Variants in TBPL2 observed in about 807,000 individuals in gnomAD.
TBPL2 encodes the protein TATA-box binding protein like 2.
TBPL2 carries 40 observed loss-of-function variants against 38.2 expected under a neutral mutation model. The observed-to-expected ratio is 1.05, with a 90% CI of 0.81 to 1.36. TBPL2 has a LOEUF of 1.36. TBPL2 is among the 40% of genes most tolerant of loss of function. The pLI is 0.00. For missense variants in TBPL2, 461 were observed against 456.7 expected, an observed-to-expected ratio of 1.01 and a Z score of -0.09; for synonymous variants, 169 against 171.7, an observed-to-expected ratio of 0.98 and a Z score of 0.12.
chr14:55,436,441 A>G, intron 2 of TBPL2, 120 bp downstream of exon 2: 1 of 948,716 alleles, frequency 1.1e-6, no homozygotes, highest in East Asian at 2.6e-5. Flanking sequence ...CTGATAAAAC[A>G]AAGAATTATG....
intron 6 of TBPL2, among the ~76,000 whole-genome samples, chr14:55,416,891 A>G (rs1040945615): frequency 2.0e-5 from 3 of 152,370 alleles, no homozygotes; most frequent in African/African-American, 4.8e-5. Flanking sequence ...TTGGACAGCC[A>G]TGAACTTCAC....
At chr14:55,433,702 A>G in exon 4 of TBPL2, 1 of 1,614,068 alleles carries the variant, frequency 6.2e-7, no homozygotes, top group African/African-American at 1.3e-5. Context: ...TCGGATCCTC[A>G]TTATGACAGC....
rs1885969252 is a variant in TBPL2, at chr14:55,433,626, A to G, written c.788+4T>C. On this transcript the variant is annotated splice_donor_region_variant and intron_variant, in intron 4 of 6. Coordinates refer to ENST00000247219, the Ensembl canonical transcript of TBPL2. The stretch of plus-strand genomic sequence containing the variant: ...GGTAGGGGTGGAGGGATGATTCCTC[A>G]TACCTTTTGGCTCCCGTGCAGACCA... 1.2e-6 allele frequency: 2 copies of G among 1,613,560 alleles called. No individual in the cohort carries two copies.
intron 6 of TBPL2, among the ~76,000 whole-genome samples, chr14:55,417,465 A>T (rs971219366): frequency 3.3e-5 from 5 of 150,322 alleles, no homozygotes; most frequent in Non-Finnish European, 7.4e-5. Flanking sequence ...AAAAAAAAAA[A>T]AAAAAAAAAA....
intron 5 of TBPL2, 111 bp downstream of exon 5, chr14:55,428,696 G>A (rs1344129184): frequency 3.5e-6 from 4 of 1,146,128 alleles, no homozygotes; most frequent in African/African-American, 1.6e-5. Context: ...TGTGTCCCCC[G>A]CCTTTTTTTT....
chr14:55,416,371 C>A (rs1298011468), intron 6 of TBPL2, among the ~76,000 whole-genome samples: 1 of 152,026 alleles, frequency 6.6e-6, no homozygotes, highest in Non-Finnish European at 1.5e-5. Flanking sequence ...GTGGGAGGAT[C>A]CCTTGAGCCC....
intron 5 of TBPL2, 118 bp from the exon 6 acceptor site, chr14:55,424,371 T>A (rs1318180839): frequency 7.9e-5 from 49 of 618,148 alleles, no homozygotes; most frequent in Non-Finnish European, 1.1e-4. Flanking sequence ...GTTAGCTATT[T>A]TATCAAAAAC....
chr14:55,426,885 T>C (rs1358997221), intron 5 of TBPL2, among the ~76,000 whole-genome samples: 6 of 152,192 alleles, frequency 3.9e-5, no homozygotes, highest in Admixed American at 2.6e-4. Flanking sequence ...TAGACTTAGA[T>C]CTGCTCTGCA....
chr14:55,431,090 G>A (rs754934878), intron 4 of TBPL2, among the ~76,000 whole-genome samples: 4 of 152,132 alleles, frequency 2.6e-5, no homozygotes, highest in Non-Finnish European at 5.9e-5. Flanking sequence ...TTGATCTTCT[G>A]CACTTTTCCT....
At chr14:55,425,225 C>A (rs1252004368) in intron 5 of TBPL2, among the ~76,000 whole-genome samples, 1 of 152,122 alleles carries the variant, frequency 6.6e-6, no homozygotes, top group Non-Finnish European at 1.5e-5. Context: ...TCTGGAACAT[C>A]ACTCTGTCTT....
chr14:55,428,437 C>T (rs1885867892), intron 5 of TBPL2, among the ~76,000 whole-genome samples: 1 of 152,056 alleles, frequency 6.6e-6, no homozygotes, highest in Admixed American at 6.6e-5. Context: ...CGTTTGTATG[C>T]TTACAAATCT....
intron 6 of TBPL2, among the ~76,000 whole-genome samples, chr14:55,423,231 G>T (rs771410368): frequency 6.6e-6 from 1 of 152,156 alleles, no homozygotes; most frequent in African/African-American, 2.4e-5. Context: ...GTTTTCTTTG[G>T]TACCATTTTG....
intron 6 of TBPL2, among the ~76,000 whole-genome samples, chr14:55,419,776 T>G (rs1885716043): frequency 6.6e-6 from 1 of 152,240 alleles, no homozygotes; most frequent in African/African-American, 2.4e-5. Context: ...ACATCTGTAC[T>G]ATGGGCATTG....
At position 55,435,787 on chromosome 14, in the gene TBPL2, A is replaced by T. The variant is rs532315912; in HGVS notation, c.696+60T>A. The T allele has an allele frequency of 8.0e-6, 10 of 1,246,108 alleles. No individual in the cohort carries two copies. The East Asian group carries it at 2.6e-4, about 32-fold the overall frequency. 77.2% of individuals were successfully genotyped at this position (1,246,108 alleles called of 1,614,324 possible). ...AGGAATTAGTCAATATCATGATCATATTAAGAAAAGTAAATCTAAAGAGAA... is the reference window on the plus strand; with the variant it reads ...AGGAATTAGTCAATATCATGATCATTTTAAGAAAAGTAAATCTAAAGAGAA... On this transcript the variant is annotated intron_variant, in intron 3 of 6. Transcript: ENST00000247219.
At chr14:55,418,935 A>G (rs1885706001) in intron 6 of TBPL2, among the ~76,000 whole-genome samples, 1 of 152,226 alleles carries the variant, frequency 6.6e-6, no homozygotes, top group African/African-American at 2.4e-5. Flanking sequence ...CATTTTGCAT[A>G]TATGGAAACC....
chr14:55,419,020 C>G (rs907019848), intron 6 of TBPL2, among the ~76,000 whole-genome samples: 1 of 152,230 alleles, frequency 6.6e-6, no homozygotes, highest in East Asian at 1.9e-4. Context: ...GGACAACTCT[C>G]CAGTCCATCC....
chr14:55,439,762 C>A (rs1886079267), intron 1 of TBPL2, among the ~76,000 whole-genome samples: 1 of 151,720 alleles, frequency 6.6e-6, no homozygotes, highest in Admixed American at 6.6e-5. Context: ...AACACTGTCT[C>A]TACTAAAAAT....
chr14:55,437,978 C>T (rs713473), intron 1 of TBPL2, among the ~76,000 whole-genome samples: 10,318 of 152,200 alleles, frequency 0.068, 389 homozygotes, highest in Non-Finnish European at 0.088. Context: ...TATCCAGCAA[C>T]GGAGAGAATG....
chr14:55,430,431 G>A (rs1885907898), intron 4 of TBPL2, among the ~76,000 whole-genome samples: 1 of 145,730 alleles, frequency 6.9e-6, no homozygotes, highest in African/African-American at 2.5e-5. Context: ...AAAGAGATTG[G>A]GTTTTTGCTC....
Sources: gnomAD v4.1 joint callset for allele counts (sites outside exome capture counted in the v4.1 genomes callset) on GRCh38, gnomAD v4.1.1 for gene constraint, MANE v1.5 for transcripts, NCBI Gene and HGNC (gene_info 2026-07-23, HGNC 2026-07-21) for gene names.